Variants in ADGRA2 observed in about 807,000 individuals in gnomAD.
ADGRA2 encodes the protein adhesion G protein-coupled receptor A2, also known as G-protein coupled receptor 124.
A neutral mutation model predicts 98.7 loss-of-function variants in ADGRA2; 61 were observed. That is an observed-to-expected ratio of 0.62 (90% CI 0.50 to 0.76). ADGRA2 has a LOEUF of 0.76. Ranked by LOEUF, ADGRA2 falls within the 30% of genes least tolerant of loss-of-function variation. ADGRA2 has a pLI of 0.00. For synonymous variants in ADGRA2, 858 were observed against 831.5 expected, an observed-to-expected ratio of 1.03 and a Z score of -0.55; for missense variants, 1,712 against 1,860.0, an observed-to-expected ratio of 0.92 and a Z score of 1.46.
intron 2 of ADGRA2, among the ~76,000 whole-genome samples, chr8:37,819,064 GT>G (rs1805058884): frequency 6.6e-6 from 1 of 152,212 alleles, no homozygotes; most frequent in Admixed American, 6.5e-5. Context: ...TGATGCCGGG[GT>G]GGCTACTGGG....
At chr8:37,840,014 C>G in intron 16 of ADGRA2, 107 bp from the exon 17 acceptor site, 1 of 1,065,262 alleles carries the variant, frequency 9.4e-7, no homozygotes, top group Non-Finnish European at 1.3e-6. Flanking sequence ...AGTAAAAAAG[C>G]TGGGGGCCGG....
chr8:37,799,835 A>T (rs1168987063), intron 1 of ADGRA2, among the ~76,000 whole-genome samples: 1 of 152,166 alleles, frequency 6.6e-6, no homozygotes, highest in Non-Finnish European at 1.5e-5. Context: ...CGGGTCCTTC[A>T]GCCTGGAGGG....
intron 1 of ADGRA2, among the ~76,000 whole-genome samples, chr8:37,807,953 A>G (rs1046249076): frequency 6.6e-6 from 1 of 152,232 alleles, no homozygotes; most frequent in African/African-American, 2.4e-5. Flanking sequence ...CTGCAGGGTC[A>G]TCTTTGATGT....
intron 1 of ADGRA2, among the ~76,000 whole-genome samples, chr8:37,813,628 G>T (rs1468352995): frequency 6.6e-6 from 1 of 152,148 alleles, no homozygotes; most frequent in Admixed American, 6.5e-5. Flanking sequence ...TGGACGGGTG[G>T]GAGGGATCTA....
chr8:37,835,732 G>A lies in ADGRA2; in HGVS notation c.2012G>A (p.Arg671Lys), dbSNP rs778110980. 5.0e-6 allele frequency: 8 copies of A among 1,613,426 alleles called. No individual in the cohort carries two copies. The Admixed American group carries it at 1.3e-4, about 27-fold the overall frequency. ...CCTGGAGCTGCTGGGCCTGGCAAGAGGCGTGGCGTGGCCACCCCCGTCATC... is the reference window on the plus strand; with the variant it reads ...CCTGGAGCTGCTGGGCCTGGCAAGAAGCGTGGCGTGGCCACCCCCGTCATC... Reference protein sequence around the residue: ...SRPGAAGPGKRRGVATPVIFA... With the variant: ...SRPGAAGPGKKRGVATPVIFA... Residue 671 changes from arginine to lysine, a missense_variant, in exon 13 of 19, where the codon AGG becomes AAG. Transcript: ENST00000412232.
intron 8 of ADGRA2, among the ~76,000 whole-genome samples, chr8:37,832,779 A>G (rs1805492572): frequency 6.6e-6 from 1 of 152,204 alleles, no homozygotes; most frequent in Non-Finnish European, 1.5e-5. Flanking sequence ...AATAAGTGGC[A>G]GAACTTGAAT....
rs538075626 is a variant in ADGRA2 at position 37,838,822 on chromosome 8, T to A, written c.2260-134T>A. 92 of 1,086,404 alleles carry A rather than the reference T, an allele frequency of 8.5e-5. No individual in the cohort carries two copies. The African/African-American group carries it at 1.2e-3, about 14-fold the overall frequency. The allele number at this position is 1,086,404 out of a possible 1,614,324, so 67.3% of individuals were successfully genotyped here. A position where few individuals can be genotyped will look rare whatever the true frequency, so the allele number is the denominator to read the frequency against. On this transcript the variant is annotated intron_variant, in intron 14 of 18. Coordinates refer to ENST00000412232, the MANE Select transcript of ADGRA2 (RefSeq NM_032777.10). ...TTCCTAAGAGTGGACAGCCCGAAGC[T>A]TTCCTCCCTGCCCAGATGAACTAAG...
chr8:37,805,160 C>T (rs1408114063), intron 1 of ADGRA2, among the ~76,000 whole-genome samples: 2 of 152,340 alleles, frequency 1.3e-5, no homozygotes, highest in East Asian at 3.9e-4. Flanking sequence ...AAACCCAGGG[C>T]TCAGCAGTGA....
intron 17 of ADGRA2, 126 bp downstream of exon 17, chr8:37,840,392 G>T (rs1360412639): frequency 2.0e-6 from 2 of 989,446 alleles, no homozygotes; most frequent in Non-Finnish European, 3.1e-6. Flanking sequence ...GACGGGGGAG[G>T]CTAGGCCCTA....
chr8:37,841,446 G>A lies in ADGRA2; in HGVS notation c.3108G>A (p.Gly1036=). 6.2e-7 allele frequency: 1 copy of A among 1,612,980 alleles called. No homozygotes were observed. The highest frequency in any genetic ancestry group is 8.5e-7 in the Non-Finnish European group (1 of 1,179,838). The change falls in exon 19 of 19, where the codon GGG becomes GGA. Residue 1036 remains glycine, a synonymous_variant. Coordinates refer to ENST00000412232, the MANE Select transcript of ADGRA2 (RefSeq NM_032777.10). The surrounding 1 kb of genome is among the most constrained non-coding windows in gnomAD (Gnocchi z 5.0). ...TGTACTTGGCCATGTGGGCCTGCGGGGCTCTGGCAGTGTCCCAGCGCTGGC... is the reference window on the plus strand; with the variant it reads ...TGTACTTGGCCATGTGGGCCTGCGGAGCTCTGGCAGTGTCCCAGCGCTGGC... ...HFLYLAMWAC[G]ALAVSQRWLP...
intron 1 of ADGRA2, among the ~76,000 whole-genome samples, chr8:37,809,121 C>T (rs781572398): frequency 2.0e-5 from 3 of 152,130 alleles, no homozygotes; most frequent in Non-Finnish European, 2.9e-5. Context: ...CCGCATCTAG[C>T]CTCTACAAAA....
chr8:37,807,661 T>C (rs1804716303), intron 1 of ADGRA2, among the ~76,000 whole-genome samples: 1 of 152,192 alleles, frequency 6.6e-6, no homozygotes, highest in Non-Finnish European at 1.5e-5. Flanking sequence ...GCAAGCAGAC[T>C]GCCCCCTACC....
At chr8:37,803,739 T>G (rs1002832395) in intron 1 of ADGRA2, among the ~76,000 whole-genome samples, 2 of 152,064 alleles carry the variant, frequency 1.3e-5, no homozygotes, top group Non-Finnish European at 2.9e-5. Context: ...GCCAGGGATG[T>G]GTGCAGGATG....
chr8:37,840,353 C>T, intron 17 of ADGRA2, 87 bp downstream of exon 17: 2 of 1,405,116 alleles, frequency 1.4e-6, no homozygotes, highest in East Asian at 4.5e-5. Flanking sequence ...AAGGGTGAGT[C>T]TAAGGTCCCT....
chr8:37,836,037 CAACA>C lies in ADGRA2; in HGVS notation c.2050+268_2050+271del, dbSNP rs1237578257. Among the ~76,000 whole-genome samples, 9 of 102,456 alleles carry C rather than the reference CAACA, an allele frequency of 8.8e-5. No homozygotes were observed. The East Asian group carries it at 1.9e-3, about 22-fold the overall frequency. 67.2% of individuals were successfully genotyped at this position (102,456 alleles called of 152,430 possible). Reference sequence around the variant, plus strand: ...AGAGGGCTATGAGCATAGCCCCCTCCAACACACACACACACACACACACACACAC... The same window carrying C: ...AGAGGGCTATGAGCATAGCCCCCTCCCACACACACACACACACACACACAC... On this transcript the variant is annotated intron_variant, in intron 13 of 18. Coordinates refer to ENST00000412232, the MANE Select transcript of ADGRA2 (RefSeq NM_032777.10).
chr8:37,825,410 A>AT (rs750368833), intron 2 of ADGRA2, among the ~76,000 whole-genome samples: 1,891 of 138,104 alleles, frequency 0.014, 39 homozygotes, highest in African/African-American at 0.036. Context: ...CATTGGCTAA[A>AT]TTTTTTTTTT....
intron 1 of ADGRA2, among the ~76,000 whole-genome samples, chr8:37,808,826 A>T (rs183367035): frequency 3.3e-5 from 5 of 151,940 alleles, no homozygotes. Context: ...TTTTATTTTT[A>T]ATTTTTGTTT....
intron 8 of ADGRA2, 87 bp from the exon 9 acceptor site, chr8:37,832,923 A>G: frequency 1.0e-6 from 1 of 1,002,646 alleles, no homozygotes; most frequent in Admixed American, 1.9e-5. Context: ...GGCCCCAAGG[A>G]GTCCGGCCTC....
chr8:37,835,062 T>C, intron 11 of ADGRA2, 112 bp from the exon 12 acceptor site: 1 of 699,688 alleles, frequency 1.4e-6, no homozygotes, highest in South Asian at 1.8e-5. Context: ...TTGAAAAAAC[T>C]GAGGATTGAA....
Sources: allele counts gnomAD v4.1 joint callset (sites outside exome capture counted in the v4.1 genomes callset), GRCh38; gene constraint gnomAD v4.1.1; non-coding constraint Gnocchi (gnomAD v3.1); transcripts MANE v1.5; gene names NCBI Gene and HGNC (gene_info 2026-07-23, HGNC 2026-07-21).